FAN1: variants seen among roughly 807,000 people sequenced by gnomAD.
FAN1 encodes the protein FANCD2 and FANCI associated nuclease 1.
Under a neutral mutation model 104.9 loss-of-function variants are expected in FAN1, and 91 were observed. The ratio of observed to expected loss-of-function variants is 0.87; its 90% CI spans 0.73 to 1.03. The LOEUF (loss-of-function observed/expected upper bound fraction) is 1.03. Ranked by LOEUF, FAN1 falls within the 50% of genes least tolerant of loss-of-function variation. FAN1 has a pLI of 0.00. For missense variants in FAN1, 1,263 were observed against 1,239.9 expected (o/e 1.02, Z -0.28); for synonymous variants, 478 against 457.6 (o/e 1.04, Z -0.57).
chr15:30,940,936 A>G, intron 14 of FAN1: 1 of 1,084,392 alleles, frequency 9.2e-7, no homozygotes, highest in South Asian at 2.5e-5. Context: ...ACAGTGATCT[A>G]AGGTTCCAAA....
intron 2 of FAN1, among the ~76,000 whole-genome samples, chr15:30,907,373 C>T (rs1479507400): frequency 1.3e-5 from 2 of 152,026 alleles, no homozygotes; most frequent in African/African-American, 4.8e-5. Context: ...CAAAAATTAG[C>T]CGGGCATGGT....
At chr15:30,928,357 T>TC (rs2062518225) in intron 10 of FAN1, 196 bp from the exon 11 acceptor site, 1 of 1,341,486 alleles carries the variant, frequency 7.5e-7, no homozygotes, top group African/African-American at 1.5e-5. Flanking sequence ...CTTAAGGCTC[T>TC]GTATATAAAC....
chr15:30,929,181 G>C, intron 11 of FAN1, 22 bp from the exon 12 acceptor site: 2 of 1,606,596 alleles, frequency 1.2e-6, no homozygotes, highest in East Asian at 4.5e-5. Context: ...CAGTATGACA[G>C]CTTGCTTTCC....
Position 30,916,377 on chromosome 15 carries a change from GA to G in FAN1, c.1812-1785del, listed in dbSNP as rs371329380. 1.1e-4 allele frequency among the ~76,000 whole-genome samples: 16 copies of G among 152,242 alleles called. 2 individuals carry two copies. Among genetic ancestry groups the G allele is most frequent in the African/African-American group, 3.9e-4 (16 of 41,536 alleles). Reference sequence around the variant, plus strand: ...AAGTGCTTAAAGCCTGGGCTATGGGGAATGCCTACTACATGTTCATTATTAT... The same window carrying G: ...AAGTGCTTAAAGCCTGGGCTATGGGGATGCCTACTACATGTTCATTATTAT... On this transcript the variant is annotated intron_variant, in intron 5 of 14. Coordinates refer to ENST00000362065, the MANE Select transcript of FAN1 (RefSeq NM_014967.5).
intron 8 of FAN1, among the ~76,000 whole-genome samples, chr15:30,923,084 A>T (rs1458886152): frequency 2.0e-5 from 3 of 151,956 alleles, no homozygotes; most frequent in Non-Finnish European, 4.4e-5. Context: ...GGAGCTTTTG[A>T]TTTTTTCAGT....
At chr15:30,931,032 G>A (rs577931384) in intron 13 of FAN1, among the ~76,000 whole-genome samples, 6 of 152,164 alleles carry the variant, frequency 3.9e-5, no homozygotes, top group South Asian at 2.1e-4. Context: ...GAAGCTTACC[G>A]ATAATTGTAC....
chr15:30,942,253 A>G lies in FAN1; in HGVS notation c.*691A>G. On this transcript the variant is annotated 3_prime_UTR_variant, in exon 15 of 15. Coordinates refer to ENST00000362065, the MANE Select transcript of FAN1 (RefSeq NM_014967.5). ...TCCTCCCCTGGAATTACACTTTTTT[A>G]TGTGTTGACTCTACCTAGGCTGTTA... 3.9e-6 allele frequency: 3 copies of G among 759,528 alleles called. No homozygotes were observed. Among genetic ancestry groups the G allele is most frequent in the Non-Finnish European group, 6.3e-6 (3 of 478,080 alleles). The allele number at this position is 759,528 out of a possible 1,614,324, so 47.0% of individuals were successfully genotyped here.
chr15:30,940,104 A>C, intron 14 of FAN1: 1 of 985,158 alleles, frequency 1.0e-6, no homozygotes, highest in Non-Finnish European at 1.2e-6. Context: ...TACTATAAAA[A>C]TTTTCCATAT....
intron 7 of FAN1, among the ~76,000 whole-genome samples, 158 bp downstream of exon 7, chr15:30,920,811 G>T (rs2062311871): frequency 6.6e-6 from 1 of 152,160 alleles, no homozygotes; most frequent in Non-Finnish European, 1.5e-5. Context: ...TTGAGACAGG[G>T]TCTCACTCCA....
chr15:30,941,149 GTGAC>G (rs3840035), intron 14 of FAN1: 412,081 of 1,305,918 alleles, frequency 0.32, 67,451 homozygotes, highest in Non-Finnish European at 0.34. Flanking sequence ...GGCTGCTAAT[GTGAC>G]TGACTATCAG....
At chr15:30,935,223 G>A (rs1191018821) in intron 13 of FAN1, among the ~76,000 whole-genome samples, 1 of 151,974 alleles carries the variant, frequency 6.6e-6, no homozygotes, top group East Asian at 1.9e-4. Context: ...TGAGAGAACT[G>A]CTTGAGGCTG....
chr15:30,932,979 C>G (rs1236473235), intron 13 of FAN1, among the ~76,000 whole-genome samples: 1 of 151,966 alleles, frequency 6.6e-6, no homozygotes, highest in Non-Finnish European at 1.5e-5. Flanking sequence ...CTTGGCCTCC[C>G]AAAGTGCTGG....
In FAN1 at chr15:30,942,692, A is replaced by C. The variant is rs3751643; in HGVS notation, c.*1130A>C. On this transcript the variant is annotated 3_prime_UTR_variant, in exon 15 of 15. Transcript: ENST00000362065. ...AGCTGCAATCTGCCCACTCTCAGGT[A>C]CTGAGACTTTGTGGGCCTCAGACAC... 0.032 allele frequency: 17,974 copies of C among 557,072 alleles called. 367 individuals are homozygous for C. Among genetic ancestry groups the C allele is most frequent in the South Asian group, 0.046 (1,555 of 33,452 alleles). The allele number at this position is 557,072 out of a possible 1,614,324, so 34.5% of individuals were successfully genotyped here.
chr15:30,925,840 T>C lies in FAN1; in HGVS notation c.2389T>C (p.Phe797Leu). Reference sequence around the variant, plus strand: ...ACAGCGTGGGATGTGCAAGTCTGTGTTTGTGATGGAGGCCGGGGAGGCCGC... The same window carrying C: ...ACAGCGTGGGATGTGCAAGTCTGTGCTTGTGATGGAGGCCGGGGAGGCCGC... ...CPQRGMCKSV[F>L]VMEAGEAADP... The change falls in exon 10 of 15, where the codon TTT becomes CTT. Residue 797 changes from phenylalanine (F) to leucine (L), a missense_variant. Around this residue, in one of 2 missense-constraint regions of FAN1, gnomAD observed 581 missense variants for 668.8 expected, o/e 0.87. Transcript: ENST00000362065. 4.3e-6 allele frequency: 7 copies of C among 1,614,262 alleles called. No individual in the cohort carries two copies. Among genetic ancestry groups the C allele is most frequent in the Non-Finnish European group, 5.9e-6 (7 of 1,180,052 alleles).
intron 9 of FAN1, among the ~76,000 whole-genome samples, 172 bp downstream of exon 9, chr15:30,925,463 C>G (rs2062436766): frequency 6.6e-6 from 1 of 152,204 alleles, no homozygotes; most frequent in Non-Finnish European, 1.5e-5. Context: ...CCCTAACGCC[C>G]TCCTCCCTGA....
intron 10 of FAN1, chr15:30,927,593 G>A (rs2062497930): frequency 1.0e-6 from 1 of 985,550 alleles, no homozygotes; most frequent in Non-Finnish European, 1.2e-6. Context: ...GTACCACGCA[G>A]ATGGGTTGGG....
chr15:30,918,017 T>G (rs2062230796), intron 5 of FAN1, 147 bp from the exon 6 acceptor site: 2 of 748,998 alleles, frequency 2.7e-6, no homozygotes, highest in Non-Finnish European at 4.3e-6. Flanking sequence ...TTGGTTAAGA[T>G]AAATTATTAT....
At chr15:30,913,335 C>A (rs774290412) in intron 4 of FAN1, among the ~76,000 whole-genome samples, 1 of 152,182 alleles carries the variant, frequency 6.6e-6, no homozygotes, top group East Asian at 1.9e-4. Context: ...TGGAAAAATT[C>A]TCTTCCATGA....
At chr15:30,904,259 C>T (rs1256091908) in intron 1 of FAN1, among the ~76,000 whole-genome samples, 4 of 152,130 alleles carry the variant, frequency 2.6e-5, no homozygotes, top group Non-Finnish European at 5.9e-5. Context: ...TCAAATTGTC[C>T]CTTTTTAGAA....
Sources: allele counts gnomAD v4.1 joint callset (sites outside exome capture counted in the v4.1 genomes callset), GRCh38; gene constraint gnomAD v4.1.1; regional missense constraint gnomAD v4.1.1; transcripts MANE v1.5; gene names NCBI Gene and HGNC (gene_info 2026-07-23, HGNC 2026-07-21).